FAF1: variants seen among roughly 807,000 people sequenced by gnomAD.
FAF1 encodes FAS-associated factor 1.
A neutral mutation model predicts 92.5 loss-of-function variants in FAF1; 25 were observed. The observed-to-expected ratio is 0.27, with a 90% CI of 0.20 to 0.38. The LOEUF (loss-of-function observed/expected upper bound fraction) is 0.38, where lower values mean the gene tolerates loss of function less well. Among genes scored for constraint, FAF1 ranks in the 10% least tolerant of loss-of-function variants. The pLI, the probability that FAF1 is intolerant of heterozygous loss-of-function variation, is 1.00. For missense variants in FAF1, 636 were observed against 793.3 expected, an observed-to-expected ratio of 0.80 and a Z score of 2.38; for synonymous variants, 234 against 273.2, an observed-to-expected ratio of 0.86 and a Z score of 1.42.
intron 8 of FAF1, among the ~76,000 whole-genome samples, chr1:50,642,678 T>C (rs1654395905): frequency 6.6e-6 from 1 of 151,982 alleles, no homozygotes; most frequent in African/African-American, 2.4e-5. Context: ...TAAAATAAAA[T>C]TCTTGTAGTC....
intron 17 of FAF1, among the ~76,000 whole-genome samples, chr1:50,480,958 A>C (rs1327225833): frequency 6.6e-6 from 1 of 152,178 alleles, no homozygotes; most frequent in Non-Finnish European, 1.5e-5. Context: ...TTGATGATCT[A>C]GACCTTGTGT....
At chr1:50,747,073 G>A (rs1659661323) in intron 4 of FAF1, among the ~76,000 whole-genome samples, 1 of 152,206 alleles carries the variant, frequency 6.6e-6, no homozygotes, top group Admixed American at 6.5e-5. Flanking sequence ...AAGCCCTCAT[G>A]GAGAATCTCT....
intron 18 of FAF1, among the ~76,000 whole-genome samples, chr1:50,457,251 T>C (rs1646364120): frequency 6.6e-6 from 1 of 151,966 alleles, no homozygotes; most frequent in Non-Finnish European, 1.5e-5. Context: ...AGGCTTGAGG[T>C]CCTGGTTCTG....
At chr1:50,629,825 G>A (rs544071688) in intron 8 of FAF1, among the ~76,000 whole-genome samples, 2 of 152,040 alleles carry the variant, frequency 1.3e-5, no homozygotes, top group Non-Finnish European at 2.9e-5. Context: ...TTGGGAGGCC[G>A]AGACAGGCAG....
intron 2 of FAF1, among the ~76,000 whole-genome samples, chr1:50,806,330 C>A (rs1248513265): frequency 2.0e-5 from 3 of 152,018 alleles, no homozygotes; most frequent in Non-Finnish European, 2.9e-5. Flanking sequence ...CACCACACAC[C>A]CAATGGTTAA....
intron 2 of FAF1, among the ~76,000 whole-genome samples, chr1:50,834,001 T>C (rs1043915391): frequency 2.0e-5 from 3 of 152,252 alleles, no homozygotes; most frequent in African/African-American, 7.2e-5. Context: ...CCAAATCTCA[T>C]GTCAAATTGT....
intron 8 of FAF1, among the ~76,000 whole-genome samples, chr1:50,649,438 T>C (rs762008720): frequency 1.3e-5 from 2 of 152,090 alleles, no homozygotes; most frequent in African/African-American, 2.4e-5. Flanking sequence ...GTGTGAGCCA[T>C]TGTGCCTGGC....
At chr1:50,857,694 C>G (rs1201029563) in intron 2 of FAF1, among the ~76,000 whole-genome samples, 1 of 151,710 alleles carries the variant, frequency 6.6e-6, no homozygotes, top group Non-Finnish European at 1.5e-5. Flanking sequence ...CCATAACACA[C>G]AGTAAAATAA....
At chr1:50,872,827 G>A (rs1644539370) in intron 1 of FAF1, among the ~76,000 whole-genome samples, 1 of 152,004 alleles carries the variant, frequency 6.6e-6, no homozygotes, top group African/African-American at 2.4e-5. Flanking sequence ...TTGAACCTGG[G>A]AGGCGGAGTT....
intron 8 of FAF1, among the ~76,000 whole-genome samples, chr1:50,613,597 A>G (rs1420824096): frequency 1.3e-5 from 2 of 152,198 alleles, no homozygotes; most frequent in Non-Finnish European, 2.9e-5. Context: ...TTTCAAATTT[A>G]TAATGTATAT....
intron 7 of FAF1, among the ~76,000 whole-genome samples, chr1:50,705,282 G>T (rs1296947987): frequency 6.6e-6 from 1 of 152,160 alleles, no homozygotes; most frequent in African/African-American, 2.4e-5. Flanking sequence ...ACTATAAATA[G>T]ACTCTTCTCA....
intron 1 of FAF1, among the ~76,000 whole-genome samples, chr1:50,858,943 C>T (rs145057107): frequency 1.7e-4 from 26 of 151,906 alleles, no homozygotes; most frequent in African/African-American, 6.0e-4. Flanking sequence ...AAATTAACCA[C>T]AATTAAGTAT....
intron 7 of FAF1, among the ~76,000 whole-genome samples, chr1:50,695,576 A>G (rs1657159175): frequency 6.6e-6 from 1 of 152,174 alleles, no homozygotes; most frequent in Admixed American, 6.5e-5. Flanking sequence ...TATCTTTAAA[A>G]TCTATAAAAT....
At chr1:50,522,357 A>G (rs1049365506) in intron 15 of FAF1, among the ~76,000 whole-genome samples, 2 of 152,176 alleles carry the variant, frequency 1.3e-5, no homozygotes, top group Admixed American at 6.5e-5. Flanking sequence ...CTTAACCTCT[A>G]TAAGCCTCAG....
intron 9 of FAF1, among the ~76,000 whole-genome samples, chr1:50,592,025 T>C (rs1000063331): frequency 2.6e-5 from 4 of 152,184 alleles, no homozygotes; most frequent in Admixed American, 6.5e-5. Flanking sequence ...CCAGGCACTA[T>C]GCTAGGTGTT....
Position 50,840,827 on chromosome 1 carries a change from T to C in FAF1, c.114+17102A>G, listed in dbSNP as rs191463199. Among the ~76,000 whole-genome samples the C allele has an allele frequency of 7.9e-4, 120 of 152,158 alleles. 3 individuals are homozygous for C. In the East Asian group the frequency reaches 0.022, roughly 27 times the overall value. ...ATTTATTACATCATTGTTTTACTTA[T>C]GGTAAAGAAAAATTACAGAGCCTAA... On this transcript the variant is annotated intron_variant, in intron 2 of 18. Transcript: ENST00000396153.
intron 18 of FAF1, among the ~76,000 whole-genome samples, chr1:50,454,994 C>T (rs894562355): frequency 3.3e-5 from 5 of 152,224 alleles, no homozygotes; most frequent in African/African-American, 1.2e-4. Flanking sequence ...CTAGAGCCTC[C>T]ATGAATTCAA....
intron 5 of FAF1, among the ~76,000 whole-genome samples, chr1:50,743,276 T>C (rs1659457532): frequency 6.6e-6 from 1 of 152,236 alleles, no homozygotes; most frequent in African/African-American, 2.4e-5. Flanking sequence ...CAAGAAGCCA[T>C]TCACGAAGAA....
intron 7 of FAF1, among the ~76,000 whole-genome samples, chr1:50,694,973 T>C (rs919688218): frequency 6.6e-6 from 1 of 151,720 alleles, no homozygotes; most frequent in Non-Finnish European, 1.5e-5. Flanking sequence ...AAAAAAATTA[T>C]GGCATGTATT....
Sources: allele counts gnomAD v4.1 joint callset (sites outside exome capture counted in the v4.1 genomes callset), GRCh38; gene constraint gnomAD v4.1.1; transcripts MANE v1.5; gene names NCBI Gene and HGNC (gene_info 2026-07-23, HGNC 2026-07-21).